The following FHIT variants were observed in gnomAD, a reference collection of about 807,000 sequenced individuals.
FHIT encodes fragile histidine triad diadenosine triphosphatase.
In FHIT, 19 loss-of-function variants were observed where a neutral mutation model predicts 17.9. The ratio of observed to expected loss-of-function variants is 1.06; its 90% CI spans 0.74 to 1.56. The LOEUF (loss-of-function observed/expected upper bound fraction) is 1.56, where lower values mean the gene tolerates loss of function less well. FHIT is among the 40% of genes most tolerant of loss of function. FHIT has a pLI of 0.00. For synonymous variants in FHIT, 81 were observed against 69.7 expected (o/e 1.16, Z -0.81); for missense variants, 248 against 189.2 (o/e 1.31, Z -1.82).
chr3:60,320,981 T>A lies in FHIT; in HGVS notation c.103+215879A>T, dbSNP rs78616045. 4.2e-3 allele frequency among the ~76,000 whole-genome samples: 647 copies of A among 152,308 alleles called. 5 individuals carry two copies. The highest frequency in any genetic ancestry group is 0.015 in the African/African-American group (620 of 41,570). On this transcript the variant is annotated intron_variant, in intron 5 of 9. Coordinates refer to ENST00000492590, the MANE Select transcript of FHIT (RefSeq NM_002012.4). ...AAATCAAATGACATGGCCATCATAA[T>A]GGCAGAGCTACAAATTTTAATGAGA... is the stretch of plus-strand genomic sequence containing the variant.
chr3:60,540,202 C>T (rs1045857434), intron 4 of FHIT, among the ~76,000 whole-genome samples: 6 of 152,110 alleles, frequency 3.9e-5, no homozygotes, highest in African/African-American at 1.2e-4. Context: ...AAGGATGGCT[C>T]GCCCTGGGAG....
chr3:61,138,711 G>T (rs575580520), intron 2 of FHIT, among the ~76,000 whole-genome samples: 1 of 152,170 alleles, frequency 6.6e-6, no homozygotes, highest in East Asian at 1.9e-4. Context: ...TGGCTCTGGG[G>T]CCAACCCTCA....
At chr3:60,071,457 T>G (rs1274157636) in intron 5 of FHIT, among the ~76,000 whole-genome samples, 2 of 152,242 alleles carry the variant, frequency 1.3e-5, no homozygotes, top group African/African-American at 4.8e-5. Context: ...TCTTGATTTC[T>G]GTACTATAAC....
At chr3:60,298,022 A>T (rs1708290060) in intron 5 of FHIT, among the ~76,000 whole-genome samples, 1 of 152,056 alleles carries the variant, frequency 6.6e-6, no homozygotes, top group South Asian at 2.1e-4. Flanking sequence ...ACTTATGCAG[A>T]TATACAACCA....
rs547838293 is a variant in FHIT at position 61,048,088 on chromosome 3, C to A, written c.-163-5989G>T. On this transcript the variant is annotated intron_variant, in intron 2 of 9. Coordinates refer to ENST00000492590, the MANE Select transcript of FHIT (RefSeq NM_002012.4). The stretch of plus-strand genomic sequence containing the variant: ...GGGCAAGGACTTCATGTCTAAAACA[C>A]CAAAAGCAATGGCAACAAAAGCCAA... Among the ~76,000 whole-genome samples, 186 of 151,674 alleles carry A rather than the reference C, an allele frequency of 1.2e-3. 2 individuals carry two copies. The highest frequency in any genetic ancestry group is 4.2e-3 in the African/African-American group (175 of 41,408).
intron 4 of FHIT, among the ~76,000 whole-genome samples, chr3:60,623,461 C>G (rs980624927): frequency 5.9e-5 from 9 of 152,094 alleles, no homozygotes; most frequent in African/African-American, 2.2e-4. Context: ...GATTTATATC[C>G]CATCATTTTA....
intron 4 of FHIT, among the ~76,000 whole-genome samples, chr3:60,802,065 A>G (rs1486472550): frequency 6.6e-6 from 1 of 152,224 alleles, no homozygotes; most frequent in Non-Finnish European, 1.5e-5. Flanking sequence ...ACTCAAATGC[A>G]CAGTTCATTA....
intron 8 of FHIT, among the ~76,000 whole-genome samples, chr3:59,877,781 GA>G (rs1703230778): frequency 1.3e-5 from 2 of 152,128 alleles, no homozygotes; most frequent in Admixed American, 1.3e-4. Flanking sequence ...TTTCCTATAA[GA>G]ATACTAGCCA....
At position 61,163,514 on chromosome 3, in the gene FHIT, T is replaced by C. The variant is rs76155799; in HGVS notation, c.-164+37103A>G. 8.5e-4 allele frequency among the ~76,000 whole-genome samples: 129 copies of C among 152,198 alleles called. 1 individual carries two copies. In the East Asian group the frequency reaches 0.015, roughly 18 times the overall value. On this transcript the variant is annotated intron_variant, in intron 2 of 9. Coordinates refer to ENST00000492590, the MANE Select transcript of FHIT (RefSeq NM_002012.4). ...TGACAAAACAGTGGAAGCAGGAAAG[T>C]CTCTCTGACCTTCTCCCACACTTTT...
intron 4 of FHIT, among the ~76,000 whole-genome samples, chr3:60,552,853 G>A (rs932257347): frequency 3.1e-4 from 47 of 152,332 alleles, no homozygotes; most frequent in African/African-American, 1.1e-3. Context: ...AGTGGGGCCA[G>A]TGTCTGTGTG....
chr3:60,317,599 TATA>T (rs1450402930), intron 5 of FHIT, among the ~76,000 whole-genome samples: 1 of 146,484 alleles, frequency 6.8e-6, no homozygotes, highest in Non-Finnish European at 1.5e-5. Flanking sequence ...TATATAATCA[TATA>T]ATATGTAATT....
chr3:60,567,341 CAAAAG>C, intron 4 of FHIT, among the ~76,000 whole-genome samples: 1 of 151,488 alleles, frequency 6.6e-6, no homozygotes, highest in African/African-American at 2.4e-5. Flanking sequence ...ACAAACCTGA[CAAAAG>C]AAACGGGGAA....
chr3:60,807,849 AT>A (rs1212259277), intron 4 of FHIT, among the ~76,000 whole-genome samples: 4 of 150,388 alleles, frequency 2.7e-5, no homozygotes, highest in African/African-American at 9.7e-5. Context: ...TAAAAAAAAA[AT>A]AAAATAAAAA....
At chr3:60,785,805 G>T (rs1400967188) in intron 4 of FHIT, among the ~76,000 whole-genome samples, 1 of 151,966 alleles carries the variant, frequency 6.6e-6, no homozygotes, top group Non-Finnish European at 1.5e-5. Flanking sequence ...GGTGCTGTAG[G>T]AGACAGAGAA....
At chr3:59,971,793 G>A (rs41276483) in intron 7 of FHIT, among the ~76,000 whole-genome samples, 9,225 of 152,154 alleles carry the variant, frequency 0.061, 331 homozygotes, top group African/African-American at 0.096. Flanking sequence ...CAGTTTTCTC[G>A]TCTATACTGT....
chr3:60,656,686 C>T (rs1207324156), intron 4 of FHIT, among the ~76,000 whole-genome samples: 1 of 152,144 alleles, frequency 6.6e-6, no homozygotes, highest in Non-Finnish European at 1.5e-5. Flanking sequence ...AAACAAGATG[C>T]TTGTAGATCC....
At chr3:60,566,553 C>G (rs896334749) in intron 4 of FHIT, among the ~76,000 whole-genome samples, 2 of 152,102 alleles carry the variant, frequency 1.3e-5, no homozygotes, top group African/African-American at 2.4e-5. Flanking sequence ...TGGCACAAGA[C>G]AGGGATGCCC....
At chr3:61,196,143 T>C (rs1011869542) in intron 2 of FHIT, among the ~76,000 whole-genome samples, 9 of 152,090 alleles carry the variant, frequency 5.9e-5, no homozygotes, top group Admixed American at 5.2e-4. Context: ...AAAAATAATA[T>C]AAGTACATTA....
At chr3:60,307,598 G>A (rs192077316) in intron 5 of FHIT, among the ~76,000 whole-genome samples, 1 of 152,244 alleles carries the variant, frequency 6.6e-6, no homozygotes, top group East Asian at 1.9e-4. Context: ...GTATATCCTT[G>A]ATGTCTCACA....
Sources: allele counts gnomAD v4.1 joint callset (sites outside exome capture counted in the v4.1 genomes callset), GRCh38; gene constraint gnomAD v4.1.1; transcripts MANE v1.5; gene names NCBI Gene and HGNC (gene_info 2026-07-23, HGNC 2026-07-21).